Variants in KCNAB1 observed in about 807,000 individuals in gnomAD.
KCNAB1 encodes potassium voltage-gated channel subfamily A regulatory beta subunit 1.
KCNAB1 carries 35 observed loss-of-function variants against 64.6 expected under a neutral mutation model. The observed-to-expected ratio is 0.54, with a 90% confidence interval of 0.41 to 0.72. The LOEUF (loss-of-function observed/expected upper bound fraction) is 0.72, where lower values mean the gene tolerates loss of function less well. Among genes scored for constraint, KCNAB1 ranks in the 30% least tolerant of loss-of-function variants. KCNAB1 has a pLI of 0.00. For synonymous variants in KCNAB1, 177 were observed against 183.8 expected, an observed-to-expected ratio of 0.96 and a Z score of 0.30; for missense variants, 401 against 512.9, an observed-to-expected ratio of 0.78 and a Z score of 2.11.
chr3:156,395,883 C>T (rs2108179102), intron 1 of KCNAB1, among the ~76,000 whole-genome samples: 1 of 152,294 alleles, frequency 6.6e-6, no homozygotes, highest in South Asian at 2.1e-4. Context: ...AAAGCAGCCA[C>T]CTTCCTTACT....
At chr3:156,156,891 C>T (rs1415859752) in intron 1 of KCNAB1, among the ~76,000 whole-genome samples, 2 of 152,096 alleles carry the variant, frequency 1.3e-5, no homozygotes, top group Non-Finnish European at 2.9e-5. Flanking sequence ...ATGAGATAAG[C>T]AAGTAAGTGT....
chr3:156,251,391 G>A (rs1306344088), intron 1 of KCNAB1, among the ~76,000 whole-genome samples: 2 of 152,158 alleles, frequency 1.3e-5, no homozygotes, highest in Non-Finnish European at 2.9e-5. Context: ...TAGGGTGAAA[G>A]GATAATGAGG....
intron 2 of KCNAB1, among the ~76,000 whole-genome samples, chr3:156,436,554 T>A (rs969098146): frequency 1.3e-5 from 2 of 152,218 alleles, no homozygotes; most frequent in Non-Finnish European, 2.9e-5. Context: ...GTGTTCTGAT[T>A]TTTCTGCAGC....
At chr3:156,342,609 AT>A (rs59689669) in intron 1 of KCNAB1, among the ~76,000 whole-genome samples, 13,272 of 104,526 alleles carry the variant, frequency 0.13, 485 homozygotes, top group Middle Eastern at 0.25. Context: ...TTTTTTTTTA[AT>A]TTTTTTTTTT....
intron 1 of KCNAB1, among the ~76,000 whole-genome samples, chr3:156,386,980 C>T (rs1180739543): frequency 2.9e-5 from 4 of 139,220 alleles, no homozygotes; most frequent in African/African-American, 8.5e-5. Context: ...TTCTTGCTTG[C>T]TTGCTTTCTC....
At chr3:156,472,173 A>G (rs1008411203) in intron 7 of KCNAB1, among the ~76,000 whole-genome samples, 1 of 152,104 alleles carries the variant, frequency 6.6e-6, no homozygotes, top group Non-Finnish European at 1.5e-5. Context: ...CAGGCCAAAA[A>G]TCTAGGAGTC....
chr3:156,228,875 T>C (rs1200275908), intron 1 of KCNAB1, among the ~76,000 whole-genome samples: 1 of 152,232 alleles, frequency 6.6e-6, no homozygotes, highest in African/African-American at 2.4e-5. Context: ...TATTTCCCAC[T>C]GTCAAGATTC....
intron 1 of KCNAB1, chr3:156,176,082 A>G (rs1560120955): frequency 1.3e-6 from 1 of 770,300 alleles, no homozygotes; most frequent in South Asian, 1.3e-5. Flanking sequence ...AGTTGTGCAC[A>G]TTTCCTTGAA....
At chr3:156,309,671 A>C (rs1721752446) in intron 1 of KCNAB1, among the ~76,000 whole-genome samples, 1 of 152,250 alleles carries the variant, frequency 6.6e-6, no homozygotes, top group South Asian at 2.1e-4. Context: ...GTTACAAACC[A>C]TGGATACCAG....
At chr3:156,358,647 C>T (rs866112111) in intron 1 of KCNAB1, among the ~76,000 whole-genome samples, 6 of 150,052 alleles carry the variant, frequency 4.0e-5, no homozygotes, top group Middle Eastern at 3.4e-3. Flanking sequence ...TTAGTTATCC[C>T]TGGTAGGGTT....
chr3:156,233,717 A>C (rs1011875550), intron 1 of KCNAB1, among the ~76,000 whole-genome samples: 3 of 151,980 alleles, frequency 2.0e-5, no homozygotes, highest in Non-Finnish European at 4.4e-5. Flanking sequence ...TATAGTGGAG[A>C]CAGTGAGGAG....
At chr3:156,404,652 G>A (rs1056586071) in intron 1 of KCNAB1, among the ~76,000 whole-genome samples, 1 of 152,148 alleles carries the variant, frequency 6.6e-6, no homozygotes, top group Non-Finnish European at 1.5e-5. Context: ...CCAGGGCTTG[G>A]GGAAGTTAAG....
chr3:156,382,015 T>G (rs1712195413), intron 1 of KCNAB1: 1 of 152,146 alleles, frequency 6.6e-6, no homozygotes, highest in Non-Finnish European at 1.5e-5. Context: ...CTAACCTCAT[T>G]TTTACTTCAC....
At chr3:156,132,733 T>A (rs1162863914) in intron 1 of KCNAB1, among the ~76,000 whole-genome samples, 1 of 152,236 alleles carries the variant, frequency 6.6e-6, no homozygotes, top group East Asian at 1.9e-4. Context: ...ATTGTGTTCA[T>A]TTAAACAGTG....
chr3:156,184,917 C>G (rs1176596275), intron 1 of KCNAB1, among the ~76,000 whole-genome samples: 1 of 152,152 alleles, frequency 6.6e-6, no homozygotes, highest in African/African-American at 2.4e-5. Flanking sequence ...GCTCCAGATC[C>G]AGTCAATACT....
At chr3:156,214,438 A>C (rs540105961) in intron 1 of KCNAB1, among the ~76,000 whole-genome samples, 8 of 152,106 alleles carry the variant, frequency 5.3e-5, no homozygotes, top group Non-Finnish European at 1.0e-4. Context: ...GGTGTGGAAA[A>C]CCCACACGTT....
At chr3:156,495,937 G>A (rs1418523239) in intron 8 of KCNAB1, among the ~76,000 whole-genome samples, 1 of 152,116 alleles carries the variant, frequency 6.6e-6, no homozygotes, top group Non-Finnish European at 1.5e-5. Flanking sequence ...CTAGGAGTCT[G>A]GAGTCTGTGC....
intron 2 of KCNAB1, among the ~76,000 whole-genome samples, chr3:156,447,574 G>A (rs1244287934): frequency 2.0e-5 from 3 of 152,142 alleles, no homozygotes; most frequent in African/African-American, 7.2e-5. Flanking sequence ...AGACCAACCT[G>A]CACTATAGAA....
At chr3:156,311,397 A>T (rs1036307370) in intron 1 of KCNAB1, among the ~76,000 whole-genome samples, 2 of 152,204 alleles carry the variant, frequency 1.3e-5, no homozygotes, top group African/African-American at 2.4e-5. Context: ...AAAGGCAAAG[A>T]TGAATTTTGA....
Sources: gnomAD v4.1 joint callset for allele counts (sites outside exome capture counted in the v4.1 genomes callset) on GRCh38, gnomAD v4.1.1 for gene constraint, MANE v1.5 for transcripts, NCBI Gene and HGNC (gene_info 2026-07-23, HGNC 2026-07-21) for gene names.